Variants in BRIP1 observed in about 807,000 individuals in gnomAD.
BRIP1 encodes Fanconi anemia group J protein.
A neutral mutation model predicts 119.7 loss-of-function variants in BRIP1; 88 were observed. The observed-to-expected ratio is 0.74, with a 90% CI of 0.62 to 0.88. BRIP1 has a LOEUF of 0.88. BRIP1 is among the 40% of genes least tolerant of loss of function. The pLI is 0.00. For missense variants in BRIP1, 1,259 were observed against 1,455.4 expected, an observed-to-expected ratio of 0.87 and a Z score of 2.20; for synonymous variants, 443 against 496.5, an observed-to-expected ratio of 0.89 and a Z score of 1.43.
At chr17:61,820,687 C>A (rs1312939127) in intron 6 of BRIP1, among the ~76,000 whole-genome samples, 2 of 152,176 alleles carry the variant, frequency 1.3e-5, no homozygotes, top group Non-Finnish European at 2.9e-5. Flanking sequence ...CAGTGGCTCA[C>A]GCCTGTAATC....
Position 61,734,929 on chromosome 17 carries a change from C to A in BRIP1, c.2379+8084G>T, listed in dbSNP as rs2076897876. Among the ~76,000 whole-genome samples, 1 of 151,998 alleles carries A rather than the reference C, an allele frequency of 6.6e-6. No homozygotes were observed. Among genetic ancestry groups the A allele is most frequent in the African/African-American group, 2.4e-5 (1 of 41,384 alleles). The stretch of plus-strand genomic sequence containing the variant: ...TAAATATGAAGTCAAATGAAATAGA[C>A]AAAATAATGCAGAAATAGGTTGTTT... On this transcript the variant is annotated intron_variant, in intron 16 of 19. Coordinates refer to ENST00000259008, the MANE Select transcript of BRIP1 (RefSeq NM_032043.3). The surrounding 1 kb of genome is among the most constrained non-coding windows in gnomAD (Gnocchi z 5.2).
In BRIP1 at chr17:61,744,649, TC is replaced by T; in HGVS notation, c.2098-59del. 6.8e-7 allele frequency: 1 copy of T among 1,476,790 alleles called. No individual in the cohort carries two copies. The highest frequency in any genetic ancestry group is 9.5e-7 in the Non-Finnish European group (1 of 1,056,358). The allele number at this position is 1,476,790 out of a possible 1,614,324, so 91.5% of individuals were successfully genotyped here. On this transcript the variant is annotated intron_variant, in intron 14 of 19. Transcript: ENST00000259008. The surrounding 1 kb of genome is among the most constrained non-coding windows in gnomAD (Gnocchi z 5.0). ...TGTGTCTAGCTAAACAAACTTAACT[TC>T]ATTTGTTTAAGCCAATGTGACTACG...
chr17:61,819,536 C>T (rs1243915984), intron 6 of BRIP1, among the ~76,000 whole-genome samples: 1 of 152,120 alleles, frequency 6.6e-6, no homozygotes, highest in Non-Finnish European at 1.5e-5. Flanking sequence ...CAATGAAGTA[C>T]TATTTAGTCA....
At position 61,806,447 on chromosome 17, in the gene BRIP1, T is replaced by C. The variant is rs1326869272; in HGVS notation, c.918+2020A>G. On this transcript the variant is annotated intron_variant, in intron 7 of 19. Transcript: ENST00000259008. The surrounding 1 kb of genome is among the most constrained non-coding windows in gnomAD (Gnocchi z 4.9). Reference sequence around the variant, plus strand: ...AGCAGATATCTTCAATTATTCATATTACTAATATTAAAAAATAAAATACCT... The same window carrying C: ...AGCAGATATCTTCAATTATTCATATCACTAATATTAAAAAATAAAATACCT... 1.3e-5 allele frequency among the ~76,000 whole-genome samples: 2 copies of C among 152,172 alleles called. No individual in the cohort carries two copies. Among genetic ancestry groups the C allele is most frequent in the African/African-American group, 4.8e-5 (2 of 41,438 alleles).
chr17:61,821,510 A>G (rs1398633604), intron 6 of BRIP1, among the ~76,000 whole-genome samples: 1 of 144,224 alleles, frequency 6.9e-6, no homozygotes, highest in African/African-American at 2.6e-5. Flanking sequence ...TTTTTCTTGT[A>G]TTTTTTACCT....
intron 16 of BRIP1, among the ~76,000 whole-genome samples, chr17:61,731,695 GAAGCCT>G (rs2076845237): frequency 6.6e-6 from 1 of 151,878 alleles, no homozygotes; most frequent in African/African-American, 2.4e-5. Flanking sequence ...ACTTCCTCAG[GAAGCCT>G]TTCTTGATCC....
rs573824615 is a variant in BRIP1, at chr17:61,759,499, C to T, written c.2098-14908G>A. On this transcript the variant is annotated intron_variant, in intron 14 of 19. Transcript: ENST00000259008. The surrounding 1 kb of genome is among the most constrained non-coding windows in gnomAD (Gnocchi z 4.9). ...GTAGGAGACATTGATACCCCACTTT[C>T]AACAATGAACAAATCATCCAGACAG... Among the ~76,000 whole-genome samples, 4 of 152,154 alleles carry T rather than the reference C, an allele frequency of 2.6e-5. No homozygotes were observed. The highest frequency in any genetic ancestry group is 5.9e-5 in the Non-Finnish European group (4 of 67,956).
In BRIP1 at chr17:61,862,393, A is replaced by G. The variant is rs2078984615; in HGVS notation, c.-30-824T>C. 6.6e-6 allele frequency among the ~76,000 whole-genome samples: 1 copy of G among 152,204 alleles called. No homozygotes were observed. On this transcript the variant is annotated intron_variant, in intron 1 of 19. Coordinates refer to ENST00000259008, the MANE Select transcript of BRIP1 (RefSeq NM_032043.3). The surrounding 1 kb of genome is among the most constrained non-coding windows in gnomAD (Gnocchi z 5.3). ...TTAACTTCTCAGAGCTTGTTTCTCC[A>G]TATATGGAATTGAAATACTACTACT...
rs998003159 is a variant in BRIP1 at position 61,729,045 on chromosome 17, C to G, written c.2380-12982G>C. On this transcript the variant is annotated intron_variant, in intron 16 of 19. Coordinates refer to ENST00000259008, the MANE Select transcript of BRIP1 (RefSeq NM_032043.3). The surrounding 1 kb of genome is among the most constrained non-coding windows in gnomAD (Gnocchi z 5.6). ...GCTGTAACCCCAGCACTTTGGGAGG[C>G]TGAGGCGGGCGGATCTTCTGAGGTC... Among the ~76,000 whole-genome samples the G allele has an allele frequency of 6.6e-6, 1 of 152,082 alleles. No homozygotes were observed. The highest frequency in any genetic ancestry group is 1.5e-5 in the Non-Finnish European group (1 of 68,006).
At position 61,860,036 on chromosome 17, in the gene BRIP1, G is replaced by A. The variant is rs867800647; in HGVS notation, c.94-129C>T. 17 of 683,432 alleles carry A rather than the reference G, an allele frequency of 2.5e-5. 1 individual carries two copies. The Middle Eastern group carries it at 1.5e-3, about 59-fold the overall frequency. The allele number at this position is 683,432 out of a possible 1,614,324, so 42.3% of individuals were successfully genotyped here. On this transcript the variant is annotated intron_variant, in intron 2 of 19. Transcript: ENST00000259008. This position sits in a 1 kb window ranked among gnomAD's most constrained non-coding sequence, Gnocchi z 4.1. The stretch of plus-strand genomic sequence containing the variant: ...TCCAGGGAACACAACAATAGCAGAA[G>A]GAACTCATATTTAGTTAAATCCAAA...
In BRIP1 at chr17:61,806,095, T is replaced by G. The variant is rs1350734487; in HGVS notation, c.918+2372A>C. On this transcript the variant is annotated intron_variant, in intron 7 of 19. Transcript: ENST00000259008. This position sits in a 1 kb window ranked among gnomAD's most constrained non-coding sequence, Gnocchi z 4.9. The stretch of plus-strand genomic sequence containing the variant: ...CCAAAAAATCAGAAAGTTTACACTT[T>G]AAGGGCAGTTAGAATGACACCCCTC... 6.6e-6 allele frequency among the ~76,000 whole-genome samples: 1 copy of G among 152,196 alleles called. No homozygotes were observed. Among genetic ancestry groups the G allele is most frequent in the Non-Finnish European group, 1.5e-5 (1 of 68,024 alleles).
rs2077277070 is a variant in BRIP1 at position 61,761,529 on chromosome 17, A to G, written c.2097+14872T>C. ...AAACCCCTAAAGACTACAACAAAAA[A>G]CTGTTAGAACTAATAAATGAATAAA... On this transcript the variant is annotated intron_variant, in intron 14 of 19. Coordinates refer to ENST00000259008, the MANE Select transcript of BRIP1 (RefSeq NM_032043.3). This position sits in a 1 kb window ranked among gnomAD's most constrained non-coding sequence, Gnocchi z 6.4. Among the ~76,000 whole-genome samples the G allele has an allele frequency of 6.6e-6, 1 of 152,026 alleles. No homozygotes were observed. The highest frequency in any genetic ancestry group is 2.4e-5 in the African/African-American group (1 of 41,438).
Position 61,738,871 on chromosome 17 carries a change from CCTTCT to C in BRIP1, c.2379+4137_2379+4141del, listed in dbSNP as rs1489938009. ...TTGATAACTACTCTGAATATCATTC[CCTTCT>C]CTTCTCCTCATATGTAATCAGAATT... On this transcript the variant is annotated intron_variant, in intron 16 of 19. Coordinates refer to ENST00000259008, the MANE Select transcript of BRIP1 (RefSeq NM_032043.3). This position sits in a 1 kb window ranked among gnomAD's most constrained non-coding sequence, Gnocchi z 4.2. 6.6e-6 allele frequency among the ~76,000 whole-genome samples: 1 copy of C among 152,000 alleles called. No individual in the cohort carries two copies. Among genetic ancestry groups the C allele is most frequent in the Non-Finnish European group, 1.5e-5 (1 of 67,992 alleles).
Position 61,853,382 on chromosome 17 carries a change from T to G in BRIP1, c.379+3676A>C, listed in dbSNP as rs2078849663. Among the ~76,000 whole-genome samples, 1 of 138,924 alleles carries G rather than the reference T, an allele frequency of 7.2e-6. No homozygotes were observed. The highest frequency in any genetic ancestry group is 1.6e-5 in the Non-Finnish European group (1 of 64,062). 91.1% of individuals were successfully genotyped at this position (138,924 alleles called of 152,430 possible). ...GGGCCTCTGGGGTGTTGGTAATGTC[T>G]CTCTCTTTTTTTTTTAATCTATGTA... On this transcript the variant is annotated intron_variant, in intron 4 of 19. Transcript: ENST00000259008. The surrounding 1 kb of genome is among the most constrained non-coding windows in gnomAD (Gnocchi z 4.3).
rs1187984484 is a variant in BRIP1, at chr17:61,740,677, A to T, written c.2379+2336T>A. Reference sequence around the variant, plus strand: ...TTTTTGGTTTCCCAACACATATAAAAGCTATGTTTACACTATACTGCAGTC... The same window carrying T: ...TTTTTGGTTTCCCAACACATATAAATGCTATGTTTACACTATACTGCAGTC... On this transcript the variant is annotated intron_variant, in intron 16 of 19. Transcript: ENST00000259008. The surrounding 1 kb of genome is among the most constrained non-coding windows in gnomAD (Gnocchi z 5.4). Among the ~76,000 whole-genome samples the T allele has an allele frequency of 1.3e-5, 2 of 152,230 alleles. No homozygotes were observed. The highest frequency in any genetic ancestry group is 2.9e-5 in the Non-Finnish European group (2 of 68,030).
At chr17:61,797,005 CAG>C (rs1348762011) in intron 9 of BRIP1, among the ~76,000 whole-genome samples, 1 of 151,906 alleles carries the variant, frequency 6.6e-6, no homozygotes, top group Non-Finnish European at 1.5e-5. Flanking sequence ...GGGGAGAAAA[CAG>C]AACACAGGAA....
Position 61,780,367 on chromosome 17 carries a change from A to G in BRIP1, c.1829T>C (p.Ile610Thr). 6.2e-7 allele frequency: 1 copy of G among 1,610,542 alleles called. No homozygotes were observed. Among genetic ancestry groups the G allele is most frequent in the Non-Finnish European group, 8.5e-7 (1 of 1,176,740 alleles). The change falls in exon 13 of 20, where the codon ATT becomes ACT. Residue 610 changes from isoleucine to threonine, a missense_variant. Physicochemically the swap from Ile to Thr is moderately conservative, Grantham distance 89. Around this residue, in one of 3 missense-constraint regions of BRIP1, gnomAD observed 753 missense variants for 891.8 expected, o/e 0.84. Transcript: ENST00000259008. This position sits in a 1 kb window ranked among gnomAD's most constrained non-coding sequence, Gnocchi z 5.4. ...FSDINGKVQT[I>T]VLTSGTLSPM... ...TGATAATGTACCAGATGTCAAAACA[A>G]TGGTCTGAACTTTGCCATTAATATC...
chr17:61,682,273 T>C lies in BRIP1; in HGVS notation c.*1023A>G, dbSNP rs543935297. The C allele has an allele frequency of 2.0e-4, 41 of 200,416 alleles. No individual in the cohort carries two copies. The East Asian group carries it at 3.2e-3, about 16-fold the overall frequency. The allele number at this position is 200,416 out of a possible 1,614,324, so 12.4% of individuals were successfully genotyped here. ...AAATTGTTTCACCCTTTCTAAACAATGTAGAAATTACCTTCTAGTCTAGTG... is the reference window on the plus strand; with the variant it reads ...AAATTGTTTCACCCTTTCTAAACAACGTAGAAATTACCTTCTAGTCTAGTG... On this transcript the variant is annotated 3_prime_UTR_variant, in exon 20 of 20. Coordinates refer to ENST00000259008, the MANE Select transcript of BRIP1 (RefSeq NM_032043.3). The surrounding 1 kb of genome is among the most constrained non-coding windows in gnomAD (Gnocchi z 4.9).
intron 11 of BRIP1, among the ~76,000 whole-genome samples, chr17:61,783,147 A>G (rs1216198397): frequency 2.0e-5 from 3 of 152,212 alleles, no homozygotes; most frequent in Admixed American, 1.3e-4. Context: ...AACAACCCAA[A>G]TGTCCATTAA....
Sources: allele counts gnomAD v4.1 joint callset (sites outside exome capture counted in the v4.1 genomes callset), GRCh38; gene constraint gnomAD v4.1.1; regional missense constraint gnomAD v4.1.1; non-coding constraint Gnocchi (gnomAD v3.1); transcripts MANE v1.5; gene names NCBI Gene and HGNC (gene_info 2026-07-23, HGNC 2026-07-21).